The following SMG6 variants were observed in gnomAD, a reference collection of about 807,000 sequenced individuals.
The protein encoded by SMG6 is SMG6 nonsense mediated mRNA decay factor.
Under a neutral mutation model 142.2 loss-of-function variants are expected in SMG6, and 66 were observed. That is an observed-to-expected ratio of 0.46 (90% CI 0.38 to 0.57). The LOEUF (loss-of-function observed/expected upper bound fraction) is 0.57, where lower values mean the gene tolerates loss of function less well. Ranked by LOEUF, SMG6 falls within the 20% of genes least tolerant of loss-of-function variation. The pLI, the probability that SMG6 is intolerant of heterozygous loss-of-function variation, is 0.00. For synonymous variants in SMG6, 779 were observed against 702.4 expected (o/e 1.11, Z -1.72); for missense variants, 1,793 against 1,832.0 (o/e 0.98, Z 0.39).
Position 2,061,123 on chromosome 17 carries a change from ACTGGAGAAAGTG to A in SMG6, c.*357_*368del, listed in dbSNP as rs1210769785. 2 of 207,972 alleles carry A rather than the reference ACTGGAGAAAGTG, an allele frequency of 9.6e-6. No individual in the cohort carries two copies. The highest frequency in any genetic ancestry group is 2.0e-5 in the Non-Finnish European group (2 of 99,824). 12.9% of individuals were successfully genotyped at this position (207,972 alleles called of 1,614,324 possible). A position where few individuals can be genotyped will look rare whatever the true frequency, so the allele number is the denominator to read the frequency against. On this transcript the variant is annotated 3_prime_UTR_variant, in exon 19 of 19. Coordinates refer to ENST00000263073, the MANE Select transcript of SMG6 (RefSeq NM_017575.5). Reference sequence around the variant, plus strand: ...AACTCAGAACCCCTGCCCTGTCTCCACTGGAGAAAGTGGCTGCGTCCCCAGGCGAGAAGGCCC... The same window carrying A: ...AACTCAGAACCCCTGCCCTGTCTCCAGCTGCGTCCCCAGGCGAGAAGGCCC...
intron 10 of SMG6, among the ~76,000 whole-genome samples, chr17:2,212,416 C>T (rs1009819251): frequency 1.3e-5 from 2 of 152,142 alleles, no homozygotes; most frequent in East Asian, 1.9e-4. Context: ...AGTTGCTGTT[C>T]GTGGTTTTAT....
At chr17:2,127,554 C>T in intron 13 of SMG6, 1 of 596,230 alleles carries the variant, frequency 1.7e-6, no homozygotes, top group South Asian at 1.4e-5. Context: ...CAGTTTCTAT[C>T]TTCCTATCTC....
intron 10 of SMG6, among the ~76,000 whole-genome samples, chr17:2,226,147 T>C (rs888245433): frequency 2.6e-5 from 4 of 151,880 alleles, no homozygotes; most frequent in Non-Finnish European, 5.9e-5. Flanking sequence ...TGGTGGCGCA[T>C]GCCTGTAATC....
rs139198100 is a variant in SMG6 at position 2,075,958 on chromosome 17, C to T, written c.3681+5852G>A. 6.4e-4 allele frequency among the ~76,000 whole-genome samples: 98 copies of T among 152,286 alleles called. 1 individual carries two copies. The highest frequency in any genetic ancestry group is 2.1e-3 in the African/African-American group (87 of 41,564). Reference sequence around the variant, plus strand: ...GCCCCACTCACCAGCCTCTGTGCAACGCCGGAAGCAGGGAGGGACAGGCTG... The same window carrying T: ...GCCCCACTCACCAGCCTCTGTGCAATGCCGGAAGCAGGGAGGGACAGGCTG... On this transcript the variant is annotated intron_variant, in intron 15 of 18. Transcript: ENST00000263073.
At chr17:2,172,633 G>A in intron 13 of SMG6, 25 bp downstream of exon 13, 2 of 1,610,950 alleles carry the variant, frequency 1.2e-6, no homozygotes. Flanking sequence ...GGCGAATGGG[G>A]AGGGATGTTT....
intron 10 of SMG6, among the ~76,000 whole-genome samples, chr17:2,222,377 T>C (rs1304880536): frequency 6.6e-6 from 1 of 151,824 alleles, no homozygotes; most frequent in Non-Finnish European, 1.5e-5. Context: ...ACCAGACAGA[T>C]GGCTGGATGC....
chr17:2,299,056 G>C lies in SMG6; in HGVS notation c.1697C>G (p.Pro566Arg). The C allele has an allele frequency of 6.2e-7, 1 of 1,614,124 alleles. No homozygotes were observed. The stretch of plus-strand genomic sequence containing the variant: ...CCTCATGTGCTGCTCTACCTCCTCG[G>C]GACTCATGGTGCTGGTAGGTAGAGG... Reference protein sequence around the residue: ...CSPLPTSTMSPEEVEQHMRNL... With the variant: ...CSPLPTSTMSREEVEQHMRNL... The change falls in exon 2 of 19, where the codon CCC becomes CGC. Residue 566 changes from proline (P) to arginine (R), a missense_variant. Physicochemically the swap from Pro to Arg is moderately radical, Grantham distance 103. Coordinates refer to ENST00000263073, the MANE Select transcript of SMG6 (RefSeq NM_017575.5). This position sits in a 1 kb window ranked among gnomAD's most constrained non-coding sequence, Gnocchi z 4.3.
At chr17:2,284,106 C>A (rs949571039) in intron 6 of SMG6, among the ~76,000 whole-genome samples, 1 of 152,168 alleles carries the variant, frequency 6.6e-6, no homozygotes, top group Non-Finnish European at 1.5e-5. Context: ...AATGAAATCA[C>A]GAAATTACAA....
At chr17:2,160,982 T>A (rs1251124929) in intron 13 of SMG6, among the ~76,000 whole-genome samples, 1 of 152,120 alleles carries the variant, frequency 6.6e-6, no homozygotes, top group Non-Finnish European at 1.5e-5. Flanking sequence ...TTTTCTATCA[T>A]ACATTCTCCT....
At chr17:2,231,726 T>A (rs1462663571) in intron 10 of SMG6, among the ~76,000 whole-genome samples, 1 of 109,920 alleles carries the variant, frequency 9.1e-6, no homozygotes, top group African/African-American at 3.6e-5. Context: ...AAAGCAAGCA[T>A]AAATGATAAT....
At chr17:2,225,349 AAAAG>A (rs2073286998) in intron 10 of SMG6, among the ~76,000 whole-genome samples, 1 of 151,552 alleles carries the variant, frequency 6.6e-6, no homozygotes. Flanking sequence ...GAAAAAAAAA[AAAAG>A]AAAAAGCTGG....
intron 10 of SMG6, among the ~76,000 whole-genome samples, chr17:2,207,992 G>A (rs1275904522): frequency 3.3e-5 from 5 of 152,098 alleles, no homozygotes; most frequent in African/African-American, 9.7e-5. Flanking sequence ...TGCCGGGTGC[G>A]GTGGCTCATG....
rs1327064158 is a variant in SMG6 at position 2,068,131 on chromosome 17, G to C, written c.3835+647C>G. On this transcript the variant is annotated intron_variant, in intron 16 of 18. Coordinates refer to ENST00000263073, the MANE Select transcript of SMG6 (RefSeq NM_017575.5). The surrounding 1 kb of genome is among the most constrained non-coding windows in gnomAD (Gnocchi z 6.7). Reference sequence around the variant, plus strand: ...CAGACGGTCCCGTGGAGACGGCCCAGCTGGGCCTCTCTGGCTAGAGGGTGG... The same window carrying C: ...CAGACGGTCCCGTGGAGACGGCCCACCTGGGCCTCTCTGGCTAGAGGGTGG... 3.3e-5 allele frequency among the ~76,000 whole-genome samples: 5 copies of C among 152,174 alleles called. No individual in the cohort carries two copies. The highest frequency in any genetic ancestry group is 7.3e-5 in the Non-Finnish European group (5 of 68,040).
rs146911549 is a variant in SMG6 at position 2,233,017 on chromosome 17, T to C, written c.2869+3475A>G. 12 of 152,356 alleles carry C rather than the reference T, an allele frequency of 7.9e-5. No homozygotes were observed. In the East Asian group the frequency reaches 1.4e-3, roughly 17 times the overall value. The allele number at this position is 152,356 out of a possible 1,614,324, so 9.4% of individuals were successfully genotyped here. A position where few individuals can be genotyped will look rare whatever the true frequency, so the allele number is the denominator to read the frequency against. Reference sequence around the variant, plus strand: ...AACGTTAGCAACAATATGATTTCCATCCTGGATTACTGATATTGCAGAAAG... The same window carrying C: ...AACGTTAGCAACAATATGATTTCCACCCTGGATTACTGATATTGCAGAAAG... On this transcript the variant is annotated intron_variant, in intron 10 of 18. Transcript: ENST00000263073.
intron 13 of SMG6, among the ~76,000 whole-genome samples, chr17:2,119,136 C>A (rs2069602119): frequency 6.6e-6 from 1 of 151,430 alleles, no homozygotes. Flanking sequence ...TGGCTTACTG[C>A]AACCTCCGTC....
At chr17:2,220,939 AT>A (rs1426645857) in intron 10 of SMG6, among the ~76,000 whole-genome samples, 2 of 152,222 alleles carry the variant, frequency 1.3e-5, no homozygotes, top group Non-Finnish European at 2.9e-5. Flanking sequence ...TTTAAAAAAA[AT>A]CATTTAGTTT....
At chr17:2,077,814 G>A (rs926782181) in intron 15 of SMG6, among the ~76,000 whole-genome samples, 5 of 152,008 alleles carry the variant, frequency 3.3e-5, no homozygotes, top group South Asian at 2.1e-4. Flanking sequence ...CCATAGGCAC[G>A]TGCCCACTGT....
intron 10 of SMG6, among the ~76,000 whole-genome samples, chr17:2,208,774 G>A (rs1026430978): frequency 2.6e-5 from 4 of 152,206 alleles, no homozygotes; most frequent in African/African-American, 4.8e-5. Context: ...ATGAAATGAC[G>A]TGAATGATGA....
chr17:2,075,964 A>G lies in SMG6; in HGVS notation c.3681+5846T>C, dbSNP rs186549312. Among the ~76,000 whole-genome samples the G allele has an allele frequency of 9.2e-5, 14 of 152,274 alleles. No homozygotes were observed. In the East Asian group the frequency reaches 2.7e-3, roughly 29 times the overall value. ...CTCACCAGCCTCTGTGCAACGCCGG[A>G]AGCAGGGAGGGACAGGCTGCAGAGG... On this transcript the variant is annotated intron_variant, in intron 15 of 18. Transcript: ENST00000263073.
Sources: gnomAD v4.1 joint callset for allele counts (sites outside exome capture counted in the v4.1 genomes callset) on GRCh38, gnomAD v4.1.1 for gene constraint, Gnocchi (gnomAD v3.1) non-coding constraint, MANE v1.5 for transcripts, NCBI Gene and HGNC (gene_info 2026-07-23, HGNC 2026-07-21) for gene names.